The following KDM2B variants were observed in gnomAD, a reference collection of about 807,000 sequenced individuals.
KDM2B encodes lysine-specific demethylase 2B.
A neutral mutation model predicts 150.0 loss-of-function variants in KDM2B; 26 were observed. The observed-to-expected ratio is 0.17, with a 90% CI of 0.13 to 0.24. KDM2B has a LOEUF of 0.24. Among genes scored for constraint, KDM2B ranks in the 10% least tolerant of loss-of-function variants. KDM2B has a pLI of 1.00. For synonymous variants in KDM2B, 734 were observed against 729.5 expected (o/e 1.01, Z -0.10); for missense variants, 1,265 against 1,816.9 (o/e 0.70, Z 5.52).
intron 21 of KDM2B, chr12:121,440,485 G>A (rs782485312): frequency 5.3e-6 from 2 of 379,500 alleles, no homozygotes; most frequent in South Asian, 3.2e-5. Context: ...TGAAACCAAC[G>A]AGGGGCAAGT....
At chr12:121,569,353 C>A (rs2136419537) in intron 4 of KDM2B, among the ~76,000 whole-genome samples, 1 of 152,310 alleles carries the variant, frequency 6.6e-6, no homozygotes, top group Admixed American at 6.5e-5. Flanking sequence ...AGGATAGACG[C>A]CTGAAGCTGC....
intron 12 of KDM2B, among the ~76,000 whole-genome samples, chr12:121,488,993 A>T (rs1883065158): frequency 6.6e-6 from 1 of 152,062 alleles, no homozygotes; most frequent in Non-Finnish European, 1.5e-5. Context: ...TTTTTAGAAG[A>T]GAGAGGGTTT....
chr12:121,417,701 A>C, the KDM2B span: 12 of 1,614,242 alleles, frequency 7.4e-6, no homozygotes, highest in South Asian at 8.8e-5. The surrounding 1 kb of genome is among the most constrained non-coding windows in gnomAD (Gnocchi z 5.0). Flanking sequence ...GTGAGAAAGA[A>C]GACTTGGTGG....
chr12:121,581,175 CG>C (rs1448686168), upstream of KDM2B: 2 of 392,940 alleles, frequency 5.1e-6, no homozygotes, highest in African/African-American at 4.1e-5. Flanking sequence ...TTCTTGCGCT[CG>C]GCAAGGGGAG....
chr12:121,466,049 T>G (rs1309577603), intron 12 of KDM2B, among the ~76,000 whole-genome samples: 1 of 152,050 alleles, frequency 6.6e-6, no homozygotes, highest in East Asian at 1.9e-4. Context: ...AAAAATCAAC[T>G]GCCTGTTAGG....
intron 16 of KDM2B, 50 bp downstream of exon 16, chr12:121,443,962 G>A (rs782746635): frequency 1.6e-5 from 24 of 1,522,474 alleles, no homozygotes; most frequent in African/African-American, 1.1e-4. Flanking sequence ...CCCAGCACCC[G>A]GGACCAGCCA....
chr12:121,430,451 T>C lies in KDM2B; in HGVS notation c.3848A>G (p.Asp1283Gly). The C allele has an allele frequency of 6.2e-7, 1 of 1,613,924 alleles. No individual in the cohort carries two copies. Among genetic ancestry groups the C allele is most frequent in the Non-Finnish European group, 8.5e-7 (1 of 1,179,846 alleles). Reference protein sequence around the residue: ...INLSDCNKVTDQCLSFFKRCG... With the variant: ...INLSDCNKVTGQCLSFFKRCG... Reference sequence around the variant, plus strand: ...GCGTTTGAAGAAGGACAGGCACTGATCAGTGACCTTATTGCAGTCTGCAGA... The same window carrying C: ...GCGTTTGAAGAAGGACAGGCACTGACCAGTGACCTTATTGCAGTCTGCAGA... Residue 1283 changes from aspartate to glycine, a missense_variant, in exon 23 of 23, where the codon GAT (aspartate) becomes GGT (glycine). Asp to Gly is a moderately conservative substitution (Grantham distance 94, BLOSUM62 -1). Coordinates refer to ENST00000377071, the MANE Select transcript of KDM2B (RefSeq NM_032590.5). The surrounding 1 kb of genome is among the most constrained non-coding windows in gnomAD (Gnocchi z 4.4).
rs529265946 is a variant in KDM2B, at chr12:121,481,482, G to A, written c.1734+13097C>T. On this transcript the variant is annotated intron_variant, in intron 12 of 22. Coordinates refer to ENST00000377071, the MANE Select transcript of KDM2B (RefSeq NM_032590.5). ...GAGGGACAGATTATCTGACAACATCGTTTGGTTGAGCATACATCCATCTTC... is the reference window on the plus strand; with the variant it reads ...GAGGGACAGATTATCTGACAACATCATTTGGTTGAGCATACATCCATCTTC... Among the ~76,000 whole-genome samples, 7 of 140,500 alleles carry A rather than the reference G, an allele frequency of 5.0e-5. No individual in the cohort carries two copies. In the South Asian group the frequency reaches 1.4e-3, roughly 28 times the overall value. 92.2% of individuals were successfully genotyped at this position (140,500 alleles called of 152,430 possible).
chr12:121,479,359 C>A (rs896770175), intron 12 of KDM2B, among the ~76,000 whole-genome samples: 1 of 149,578 alleles, frequency 6.7e-6, no homozygotes, highest in African/African-American at 2.5e-5. Context: ...CCCAGCTACT[C>A]GGAAGGCTGA....
At chr12:121,434,500 CAAAA>C (rs1166374523) in intron 22 of KDM2B, among the ~76,000 whole-genome samples, 11 of 62,288 alleles carry the variant, frequency 1.8e-4, no homozygotes, top group East Asian at 1.1e-3. Flanking sequence ...GACTCTCTAT[CAAAA>C]AAAAAAAAAA....
intron 12 of KDM2B, among the ~76,000 whole-genome samples, chr12:121,476,458 C>T (rs965802833): frequency 6.6e-6 from 1 of 151,542 alleles, no homozygotes; most frequent in Non-Finnish European, 1.5e-5. Context: ...AAGCGGCATC[C>T]AACAGGTAGT....
intron 11 of KDM2B, among the ~76,000 whole-genome samples, chr12:121,502,011 C>T (rs372504832): frequency 3.9e-5 from 6 of 152,090 alleles, no homozygotes; most frequent in African/African-American, 9.7e-5. Context: ...CAGAAGAGGC[C>T]GCATCAATGA....
chr12:121,572,822 ATT>A (rs33946368), intron 4 of KDM2B, among the ~76,000 whole-genome samples: 6,016 of 100,278 alleles, frequency 0.06, 199 homozygotes, highest in African/African-American at 0.13. Context: ...ACCTGGATAA[ATT>A]TTTTTTTTTT....
Position 121,452,607 on chromosome 12 carries a change from A to G in KDM2B, c.1959+513T>C, listed in dbSNP as rs923129025. Among the ~76,000 whole-genome samples the G allele has an allele frequency of 2.0e-5, 3 of 152,254 alleles. No individual in the cohort carries two copies. The highest frequency in any genetic ancestry group is 4.4e-5 in the Non-Finnish European group (3 of 68,036). On this transcript the variant is annotated intron_variant, in intron 13 of 22. Transcript: ENST00000377071. This position sits in a 1 kb window ranked among gnomAD's most constrained non-coding sequence, Gnocchi z 4.4. ...GCGACCTCGCCCCGTTGCGAAGTCC[A>G]TGTCCACTGCCCTGTCTGGGGACGA...
At chr12:121,445,454 G>A (rs782126038) in intron 13 of KDM2B, 36 bp from the exon 14 acceptor site, 55 of 1,553,772 alleles carry the variant, frequency 3.5e-5, no homozygotes, top group Non-Finnish European at 4.5e-5. Flanking sequence ...AGTCATCAGG[G>A]GTGGGGAGCA....
chr12:121,465,944 C>G (rs1324753145), intron 12 of KDM2B, among the ~76,000 whole-genome samples: 4 of 152,204 alleles, frequency 2.6e-5, no homozygotes, highest in Non-Finnish European at 5.9e-5. Flanking sequence ...GCACTTGAAT[C>G]GTCCCTGGGT....
At chr12:121,560,968 A>G (rs1455412687) in intron 4 of KDM2B, among the ~76,000 whole-genome samples, 1 of 152,162 alleles carries the variant, frequency 6.6e-6, no homozygotes, top group East Asian at 1.9e-4. Context: ...TCCTGAAGTC[A>G]GTGGGTTACA....
intron 12 of KDM2B, among the ~76,000 whole-genome samples, chr12:121,470,908 C>T (rs1880704078): frequency 6.6e-6 from 1 of 152,224 alleles, no homozygotes; most frequent in Non-Finnish European, 1.5e-5. Context: ...ACCGGGAGGC[C>T]ATGGTTAGGA....
chr12:121,453,338 C>T lies in KDM2B; in HGVS notation c.1741G>A (p.Ala581Thr), dbSNP rs1555292135. 1 of 1,573,536 alleles carries T rather than the reference C, an allele frequency of 6.4e-7. No individual in the cohort carries two copies. Among genetic ancestry groups the T allele is most frequent in the Non-Finnish European group, 8.6e-7 (1 of 1,159,186 alleles). Residue 581 changes from alanine (A) to threonine (T), a missense_variant, in exon 13 of 23, where the codon GCT becomes ACT. Physicochemically the swap from Ala to Thr is moderately conservative, Grantham distance 58. Around this residue, in one of 11 missense-constraint regions of KDM2B, gnomAD observed 69 missense variants for 85.7 expected, o/e 0.81. Transcript: ENST00000377071. This position sits in a 1 kb window ranked among gnomAD's most constrained non-coding sequence, Gnocchi z 6.4. ...AGCTTCCCCTTGGGCCGACCCACAG[C>T]CCGGTTCTGCAGGGGAACAGACACG... ...TWPKKTPKNR[A>T]VGRPKGKLGP...
Sources: allele counts gnomAD v4.1 joint callset (sites outside exome capture counted in the v4.1 genomes callset), GRCh38; gene constraint gnomAD v4.1.1; regional missense constraint gnomAD v4.1.1; non-coding constraint Gnocchi (gnomAD v3.1); transcripts MANE v1.5; gene names NCBI Gene and HGNC (gene_info 2026-07-23, HGNC 2026-07-21).